The following ACTR10 variants were observed in gnomAD, a reference collection of about 807,000 sequenced individuals.
ACTR10 encodes the protein actin-related protein 10.
In ACTR10, 43 loss-of-function variants were observed where a neutral mutation model predicts 56.2. The observed-to-expected ratio is 0.77, with a 90% CI of 0.60 to 0.99. The LOEUF is 0.99. Ranked by LOEUF, ACTR10 falls within the 50% of genes least tolerant of loss-of-function variation. The probability of loss-of-function intolerance (pLI) is 0.00; values close to 1 mark genes in which losing one functional copy is unlikely to be tolerated. For missense variants in ACTR10, 466 were observed against 507.8 expected (o/e 0.92, Z 0.79); for synonymous variants, 170 against 176.3 (o/e 0.96, Z 0.28).
At chr14:58,234,281 T>C (rs113163494) in intron 12 of ACTR10, 89 bp from the exon 13 acceptor site, 8 of 1,138,408 alleles carry the variant, frequency 7.0e-6, no homozygotes, top group African/African-American at 6.3e-5. Flanking sequence ...CAGTCCACTT[T>C]TGTCATATAG....
rs776582885 is a variant in ACTR10 at position 58,215,175 on chromosome 14, A to G, written c.519-30A>G. ...TAAGGATATCAGTTTCAATATTTTC[A>G]TTCCAGTAACTTTTTTTTTTTAATT... On this transcript the variant is annotated intron_variant, in intron 6 of 12. Coordinates refer to ENST00000254286, the MANE Select transcript of ACTR10 (RefSeq NM_018477.3). 2.9e-6 allele frequency: 4 copies of G among 1,377,390 alleles called. No homozygotes were observed. In the Admixed American group the frequency reaches 6.1e-5, roughly 21 times the overall value. The allele number at this position is 1,377,390 out of a possible 1,614,324, so 85.3% of individuals were successfully genotyped here. A position where few individuals can be genotyped will look rare whatever the true frequency, so the allele number is the denominator to read the frequency against.
chr14:58,202,805 A>G lies in ACTR10; in HGVS notation c.78-50A>G, dbSNP rs765893694. 29 of 1,304,668 alleles carry G rather than the reference A, an allele frequency of 2.2e-5. No homozygotes were observed. The East Asian group carries it at 6.6e-4, about 30-fold the overall frequency. The allele number at this position is 1,304,668 out of a possible 1,614,324, so 80.8% of individuals were successfully genotyped here. A position where few individuals can be genotyped will look rare whatever the true frequency, so the allele number is the denominator to read the frequency against. On this transcript the variant is annotated intron_variant, in intron 1 of 12. Coordinates refer to ENST00000254286, the MANE Select transcript of ACTR10 (RefSeq NM_018477.3). ...ACAGAGAAAATTAGTTTCTGTGACA[A>G]ATATTTAAAAGAATACTATAAGTTG...
At chr14:58,230,235 T>C (rs994604947) in intron 10 of ACTR10, among the ~76,000 whole-genome samples, 164 bp from the exon 11 acceptor site, 1 of 152,220 alleles carries the variant, frequency 6.6e-6, no homozygotes, top group Non-Finnish European at 1.5e-5. Flanking sequence ...GGCATTGTTA[T>C]CCTCTCCATT....
chr14:58,208,706 C>T (rs1888923488), intron 3 of ACTR10, among the ~76,000 whole-genome samples: 1 of 147,336 alleles, frequency 6.8e-6, no homozygotes, highest in African/African-American at 2.5e-5. Flanking sequence ...GCAACAGAGC[C>T]AGATCCTGTC....
Position 58,234,445 on chromosome 14 carries a change from G to A in ACTR10, c.1148G>A (p.Arg383His), listed in dbSNP as rs763599120. 1.5e-5 allele frequency: 25 copies of A among 1,613,060 alleles called. No individual in the cohort carries two copies. Among genetic ancestry groups the A allele is most frequent in the East Asian group, 2.2e-5 (1 of 44,842 alleles). Residue 383 changes from arginine to histidine, a missense_variant, in exon 13 of 13, where the codon CGT becomes CAT. Arg to His is a conservative substitution (Grantham distance 29, BLOSUM62 0). Coordinates refer to ENST00000254286, the MANE Select transcript of ACTR10 (RefSeq NM_018477.3). ...VSKEYYNQTG[R>H]IPDWCSLNNP... ...AAGGAATATTATAATCAGACGGGCC[G>A]TATACCTGATTGGTGTTCTCTCAAT... is the stretch of plus-strand genomic sequence containing the variant.
chr14:58,204,452 G>A (rs1304969635), intron 2 of ACTR10, among the ~76,000 whole-genome samples: 7 of 152,162 alleles, frequency 4.6e-5, no homozygotes, highest in Admixed American at 2.6e-4. Flanking sequence ...TTGGGAGGCC[G>A]AAGTGGGAGG....
intron 4 of ACTR10, 78 bp downstream of exon 4, chr14:58,209,185 G>A (rs1182967269): frequency 1.9e-6 from 2 of 1,032,920 alleles, no homozygotes; most frequent in African/African-American, 1.6e-5. Context: ...CAATTTTTAG[G>A]GAATCTTTCT....
At chr14:58,223,247 C>T (rs1339845902) in intron 8 of ACTR10, among the ~76,000 whole-genome samples, 1 of 152,166 alleles carries the variant, frequency 6.6e-6, no homozygotes, top group African/African-American at 2.4e-5. Context: ...AGCAATTCTC[C>T]TGCCTCCTCC....
intron 3 of ACTR10, 39 bp from the exon 4 acceptor site, chr14:58,208,960 A>C (rs1177594040): frequency 1.4e-6 from 2 of 1,393,182 alleles, no homozygotes; most frequent in South Asian, 1.2e-5. Flanking sequence ...AAAATGAATA[A>C]AAACTTTTAC....
At chr14:58,234,312 A>C in intron 12 of ACTR10, 58 bp from the exon 13 acceptor site, 1 of 1,469,912 alleles carries the variant, frequency 6.8e-7, no homozygotes, top group Non-Finnish European at 9.2e-7. Context: ...GTATGTGTAC[A>C]TAAAGTTTTC....
chr14:58,224,527 G>A (rs1327313180), intron 10 of ACTR10, among the ~76,000 whole-genome samples: 5 of 152,034 alleles, frequency 3.3e-5, no homozygotes, highest in Admixed American at 6.5e-5. Flanking sequence ...GATTACAGGC[G>A]TGAGCCACCA....
chr14:58,232,288 A>G (rs1256950050), intron 12 of ACTR10, 21 bp downstream of exon 12: 1 of 1,589,538 alleles, frequency 6.3e-7, no homozygotes, highest in South Asian at 1.1e-5. Context: ...CACTTTTAAA[A>G]TATAATGATT....
At chr14:58,214,719 G>A (rs113931989) in intron 6 of ACTR10, among the ~76,000 whole-genome samples, 13,672 of 151,264 alleles carry the variant, frequency 0.09, 894 homozygotes, top group African/African-American at 0.18. Context: ...TCAAACTCCT[G>A]ACCTCAGGTG....
At chr14:58,215,319 C>T in intron 7 of ACTR10, 35 bp downstream of exon 7, 1 of 1,376,536 alleles carries the variant, frequency 7.3e-7, no homozygotes, top group Non-Finnish European at 1.0e-6. Flanking sequence ...GAGTGGTTTA[C>T]ACTCTCTTTT....
chr14:58,228,681 CTTTTTTT>C (rs35498207), intron 10 of ACTR10, among the ~76,000 whole-genome samples: 44 of 40,780 alleles, frequency 1.1e-3, no homozygotes, highest in African/African-American at 2.0e-3. Flanking sequence ...GCAAGACAGA[CTTTTTTT>C]TTTTTTTTTT....
At chr14:58,208,554 T>TA (rs139201729) in intron 3 of ACTR10, among the ~76,000 whole-genome samples, 3,073 of 150,488 alleles carry the variant, frequency 0.02, 119 homozygotes, top group African/African-American at 0.071. Context: ...TATTGTAACC[T>TA]AAAAAAAAAG....
Position 58,213,820 on chromosome 14 carries a change from GC to G in ACTR10, c.518+125del, listed in dbSNP as rs1217135265. ...ACGGACAGTGAATTTTATTCATTCCGCCCTCTATTAGCTTCGAGTATATTCA... is the reference window on the plus strand; with the variant it reads ...ACGGACAGTGAATTTTATTCATTCCGCCTCTATTAGCTTCGAGTATATTCA... On this transcript the variant is annotated intron_variant, in intron 6 of 12. Transcript: ENST00000254286. 5 of 667,142 alleles carry G rather than the reference GC, an allele frequency of 7.5e-6. No individual in the cohort carries two copies. The East Asian group carries it at 1.2e-4, about 16-fold the overall frequency. 41.3% of individuals were successfully genotyped at this position (667,142 alleles called of 1,614,324 possible).
chr14:58,208,881 T>C, intron 3 of ACTR10, 118 bp from the exon 4 acceptor site: 1 of 636,328 alleles, frequency 1.6e-6, no homozygotes. Flanking sequence ...AATGAAGATG[T>C]CTTTTTGTGA....
intron 10 of ACTR10, among the ~76,000 whole-genome samples, chr14:58,225,041 C>G (rs892928301): frequency 1.3e-5 from 2 of 151,330 alleles, no homozygotes; most frequent in East Asian, 3.9e-4. Flanking sequence ...GTCTCTGTTG[C>G]AACTACTCAA....
Sources: allele counts gnomAD v4.1 joint callset (sites outside exome capture counted in the v4.1 genomes callset), GRCh38; gene constraint gnomAD v4.1.1; transcripts MANE v1.5; gene names NCBI Gene and HGNC (gene_info 2026-07-23, HGNC 2026-07-21).